Variants in TENM2 observed in about 807,000 individuals in gnomAD.
The protein encoded by TENM2 is teneurin transmembrane protein 2, also known as teneurin-2.
In TENM2, 52 loss-of-function variants were observed where a neutral mutation model predicts 245.2. That is an observed-to-expected ratio of 0.21 (90% CI 0.17 to 0.27). The LOEUF is 0.27. Ranked by LOEUF, TENM2 falls within the 10% of genes least tolerant of loss-of-function variation. The pLI, the probability that TENM2 is intolerant of heterozygous loss-of-function variation, is 1.00. For missense variants in TENM2, 3,046 were observed against 3,666.8 expected, an observed-to-expected ratio of 0.83 and a Z score of 4.37; for synonymous variants, 1,363 against 1,438.9, an observed-to-expected ratio of 0.95 and a Z score of 1.19.
intron 2 of TENM2, among the ~76,000 whole-genome samples, chr5:167,600,870 T>C (rs1018320965): frequency 6.6e-6 from 1 of 152,242 alleles, no homozygotes; most frequent in Non-Finnish European, 1.5e-5. Context: ...AATAGACATT[T>C]ATCTTTATAT....
chr5:167,912,997 G>A (rs1185550002), intron 3 of TENM2, among the ~76,000 whole-genome samples: 2 of 152,098 alleles, frequency 1.3e-5, no homozygotes, highest in East Asian at 3.9e-4. Flanking sequence ...GGCATGATGT[G>A]ATGGATGACA....
the TENM2 span, among the ~76,000 whole-genome samples, chr5:167,013,513 C>T: frequency 3.9e-5 from 6 of 152,004 alleles, no homozygotes; most frequent in Non-Finnish European, 7.4e-5. Flanking sequence ...TCAAGCAACC[C>T]TGGTCAACGT....
chr5:167,007,683 GC>G, the TENM2 span, among the ~76,000 whole-genome samples: 6,455 of 152,048 alleles, frequency 0.042, 198 homozygotes, highest in Non-Finnish European at 0.062. This position sits in a 1 kb window ranked among gnomAD's most constrained non-coding sequence, Gnocchi z 4.2. Context: ...TGTCTAACAG[GC>G]CCCCCACTAC....
chr5:167,931,560 A>G (rs1012079037), intron 3 of TENM2, among the ~76,000 whole-genome samples: 3 of 151,842 alleles, frequency 2.0e-5, no homozygotes, highest in African/African-American at 4.8e-5. Flanking sequence ...GGAAAAAAAA[A>G]AAAAAAAAAA....
chr5:168,154,263 A>G (rs1454163195), intron 12 of TENM2, among the ~76,000 whole-genome samples: 1 of 150,870 alleles, frequency 6.6e-6, no homozygotes, highest in Non-Finnish European at 1.5e-5. Context: ...CCCAGGCTGG[A>G]GTGAAGTGGT....
chr5:167,066,164 G>T, the TENM2 span, among the ~76,000 whole-genome samples: 1 of 152,096 alleles, frequency 6.6e-6, no homozygotes, highest in East Asian at 1.9e-4. Flanking sequence ...GGATATTGTG[G>T]GTGATAATTG....
At chr5:167,845,208 T>C (rs1469655604) in intron 2 of TENM2, among the ~76,000 whole-genome samples, 1 of 150,428 alleles carries the variant, frequency 6.6e-6, no homozygotes, top group East Asian at 2.0e-4. Context: ...CCATCATTAT[T>C]ACCCCTTCCC....
intron 2 of TENM2, among the ~76,000 whole-genome samples, chr5:167,582,932 G>A (rs1043706510): frequency 1.3e-5 from 2 of 152,106 alleles, no homozygotes; most frequent in Non-Finnish European, 2.9e-5. Context: ...TGAACTAAGT[G>A]TCCCTGATGT....
At chr5:167,146,932 A>G in the TENM2 span, among the ~76,000 whole-genome samples, 1 of 152,206 alleles carries the variant, frequency 6.6e-6, no homozygotes, top group Non-Finnish European at 1.5e-5. Flanking sequence ...TTAGGACACT[A>G]GATGGTACAT....
At chr5:168,236,555 TC>T (rs1181801631) in intron 25 of TENM2, among the ~76,000 whole-genome samples, 1 of 152,170 alleles carries the variant, frequency 6.6e-6, no homozygotes, top group Admixed American at 6.5e-5. Flanking sequence ...ATCATCCTCA[TC>T]AGTCCCAGCT....
intron 2 of TENM2, among the ~76,000 whole-genome samples, chr5:167,411,293 C>T (rs1762893549): frequency 6.6e-6 from 1 of 152,086 alleles, no homozygotes; most frequent in Non-Finnish European, 1.5e-5. Flanking sequence ...TATTTCTGAT[C>T]ATCTGAGGTA....
intron 2 of TENM2, among the ~76,000 whole-genome samples, chr5:167,836,404 T>G (rs1397797478): frequency 6.6e-6 from 1 of 152,178 alleles, no homozygotes; most frequent in East Asian, 1.9e-4. Context: ...GAGAATGCCA[T>G]TAGGAGTTTG....
chr5:168,215,832 T>C (rs1051020174), intron 21 of TENM2, among the ~76,000 whole-genome samples: 1 of 152,186 alleles, frequency 6.6e-6, no homozygotes, highest in African/African-American at 2.4e-5. Context: ...GCCAGCTGTG[T>C]GGGCTGGAGA....
rs956838326 is a variant in TENM2 at position 167,826,829 on chromosome 5, C to T, written c.503-49157C>T. ...AGCCATGTGGTTAAATGAGATCATG[C>T]ACATTGAGGTGCTGATTTCAGAACC... is the stretch of plus-strand genomic sequence containing the variant. On this transcript the variant is annotated intron_variant, in intron 2 of 28. Coordinates refer to ENST00000518659, the Ensembl canonical transcript of TENM2. 2.6e-5 allele frequency among the ~76,000 whole-genome samples: 4 copies of T among 152,210 alleles called. No individual in the cohort carries two copies. In the East Asian group the frequency reaches 7.7e-4, roughly 29 times the overall value.
chr5:167,972,527 G>T (rs1422251184), intron 4 of TENM2, among the ~76,000 whole-genome samples: 3 of 152,054 alleles, frequency 2.0e-5, no homozygotes, highest in African/African-American at 7.2e-5. Context: ...GAAACATCTT[G>T]TGTATATATC....
rs76830147 is a variant in TENM2, at chr5:167,827,729, G to A, written c.503-48257G>A. On this transcript the variant is annotated intron_variant, in intron 2 of 28. Coordinates refer to ENST00000518659, the Ensembl canonical transcript of TENM2. ...GTTCCCTTTGAGGAGTTGAGTTATT[G>A]CCTGAAATCACTGAATGAAAGAACT... Among the ~76,000 whole-genome samples, 277 of 150,578 alleles carry A rather than the reference G, an allele frequency of 1.8e-3. 6 individuals are homozygous for A. The East Asian group carries it at 0.039, about 21-fold the overall frequency.
intron 2 of TENM2, among the ~76,000 whole-genome samples, chr5:167,688,826 C>T (rs1270093888): frequency 6.6e-6 from 1 of 152,164 alleles, no homozygotes; most frequent in African/African-American, 2.4e-5. Context: ...CATTCTCAGG[C>T]TGGGTGATTT....
At chr5:167,892,264 T>A (rs1198830938) in intron 3 of TENM2, among the ~76,000 whole-genome samples, 1 of 152,244 alleles carries the variant, frequency 6.6e-6, no homozygotes, top group Non-Finnish European at 1.5e-5. Context: ...TAGGTTCTTA[T>A]AAGTCAAATA....
chr5:167,236,247 C>A, the TENM2 span, among the ~76,000 whole-genome samples: 1 of 152,074 alleles, frequency 6.6e-6, no homozygotes, highest in South Asian at 2.1e-4. Flanking sequence ...AAGCATAATG[C>A]CTAATATATA....
Sources: allele counts gnomAD v4.1 joint callset (sites outside exome capture counted in the v4.1 genomes callset), GRCh38; gene constraint gnomAD v4.1.1; non-coding constraint Gnocchi (gnomAD v3.1); transcripts MANE v1.5; gene names NCBI Gene and HGNC (gene_info 2026-07-23, HGNC 2026-07-21).